RB1: variants seen among roughly 807,000 people sequenced by gnomAD.
The protein encoded by RB1 is retinoblastoma-associated protein.
A neutral mutation model predicts 135.4 loss-of-function variants in RB1; 18 were observed. The ratio of observed to expected loss-of-function variants is 0.13; its 90% CI spans 0.09 to 0.20. RB1 has a LOEUF of 0.20. Among genes scored for constraint, RB1 ranks in the 10% least tolerant of loss-of-function variants. The probability of loss-of-function intolerance (pLI) is 1.00; values close to 1 mark genes in which losing one functional copy is unlikely to be tolerated. For missense variants in RB1, 868 were observed against 1,110.0 expected, an observed-to-expected ratio of 0.78 and a Z score of 3.10; for synonymous variants, 365 against 373.2, an observed-to-expected ratio of 0.98 and a Z score of 0.25.
chr13:48,430,393 C>T (rs1036304052), intron 17 of RB1, among the ~76,000 whole-genome samples: 1 of 152,026 alleles, frequency 6.6e-6, no homozygotes, highest in African/African-American at 2.4e-5. Flanking sequence ...AAAAATGACT[C>T]CATTTAAAAA....
intron 2 of RB1, among the ~76,000 whole-genome samples, chr13:48,309,525 T>G (rs1224008061): frequency 6.6e-6 from 1 of 152,208 alleles, no homozygotes; most frequent in East Asian, 1.9e-4. Context: ...AGGCATCTAA[T>G]GTATATTTTA....
chr13:48,414,083 C>T (rs1948865578), intron 17 of RB1, among the ~76,000 whole-genome samples: 1 of 152,130 alleles, frequency 6.6e-6, no homozygotes, highest in Non-Finnish European at 1.5e-5. Context: ...TGCAGTGGCT[C>T]ACGCCTATAA....
chr13:48,332,597 A>G (rs1952347256), intron 2 of RB1, among the ~76,000 whole-genome samples: 1 of 152,142 alleles, frequency 6.6e-6, no homozygotes. Context: ...ACAAAAACAA[A>G]AAAAGTAGTA....
At chr13:48,324,880 T>G (rs914903947) in intron 2 of RB1, among the ~76,000 whole-genome samples, 2 of 152,094 alleles carry the variant, frequency 1.3e-5, no homozygotes, top group Non-Finnish European at 2.9e-5. Flanking sequence ...TTTTGTTTTT[T>G]TTTACTGTTT....
At chr13:48,446,930 AC>A (rs565287973) in intron 17 of RB1, among the ~76,000 whole-genome samples, 201 of 152,298 alleles carry the variant, frequency 1.3e-3, no homozygotes, top group Non-Finnish European at 1.8e-3. Flanking sequence ...TTAGGGAGTA[AC>A]ATATTAGCTC....
chr13:48,394,025 G>A (rs1948629877), intron 17 of RB1, among the ~76,000 whole-genome samples: 1 of 152,184 alleles, frequency 6.6e-6, no homozygotes, highest in Admixed American at 6.5e-5. Context: ...GAAGGCAGGT[G>A]ATTTCTCCAT....
At chr13:48,364,389 A>G (rs918820865) in intron 8 of RB1, among the ~76,000 whole-genome samples, 3 of 152,246 alleles carry the variant, frequency 2.0e-5, no homozygotes, top group Non-Finnish European at 2.9e-5. Context: ...GATTTTTGTT[A>G]ACAGATGACA....
At chr13:48,329,391 T>G (rs142169029) in intron 2 of RB1, among the ~76,000 whole-genome samples, 1 of 152,232 alleles carries the variant, frequency 6.6e-6, no homozygotes, top group Admixed American at 6.5e-5. Context: ...CCTAGTTTTA[T>G]TCAAGATATA....
chr13:48,359,325 A>G (rs912908129), intron 6 of RB1, among the ~76,000 whole-genome samples: 2 of 151,570 alleles, frequency 1.3e-5, no homozygotes, highest in Non-Finnish European at 2.9e-5. Flanking sequence ...AAATTTATAT[A>G]CTAATTTTGT....
chr13:48,434,627 G>C (rs775000166), intron 17 of RB1, among the ~76,000 whole-genome samples: 1 of 152,084 alleles, frequency 6.6e-6, no homozygotes, highest in Non-Finnish European at 1.5e-5. Flanking sequence ...ACACTATTCA[G>C]GGGTTTCCAC....
intron 2 of RB1, among the ~76,000 whole-genome samples, chr13:48,324,491 C>G (rs1952267839): frequency 6.6e-6 from 1 of 150,976 alleles, no homozygotes; most frequent in African/African-American, 2.4e-5. Flanking sequence ...CCTTCTGTGC[C>G]TGGCTTATTT....
intron 12 of RB1, among the ~76,000 whole-genome samples, chr13:48,375,590 A>T (rs562976227): frequency 5.3e-5 from 8 of 150,904 alleles, no homozygotes; most frequent in East Asian, 3.9e-4. Context: ...ATATATATAT[A>T]TTTTTGAGAC....
intron 1 of RB1, 94 bp from the exon 2 acceptor site, chr13:48,307,173 TGTTCTTTTTCACA>T: frequency 1.2e-6 from 1 of 821,764 alleles, no homozygotes; most frequent in Non-Finnish European, 2.0e-6. Flanking sequence ...TATTTAATAA[TGTTCTTTTTCACA>T]GTAGTGTTAT....
chr13:48,317,891 T>G (rs1217679523), intron 2 of RB1: 12 of 401,512 alleles, frequency 3.0e-5, no homozygotes, highest in Non-Finnish European at 5.7e-5. Flanking sequence ...GAGCCCCATT[T>G]CCCGAGAGCA....
At chr13:48,339,487 A>G (rs1335086203) in intron 2 of RB1, among the ~76,000 whole-genome samples, 2 of 152,176 alleles carry the variant, frequency 1.3e-5, no homozygotes, top group Non-Finnish European at 2.9e-5. Flanking sequence ...ACAGGATATA[A>G]TCTCCTGGTG....
At chr13:48,458,678 T>C (rs1253789062) in intron 19 of RB1, among the ~76,000 whole-genome samples, 4 of 152,222 alleles carry the variant, frequency 2.6e-5, no homozygotes, top group African/African-American at 9.6e-5. Context: ...ACCACTGAGA[T>C]AAATTGTTAG....
intron 2 of RB1, among the ~76,000 whole-genome samples, chr13:48,339,931 G>A (rs9595892): frequency 0.011 from 1,653 of 152,220 alleles, 30 homozygotes; most frequent in African/African-American, 0.037. Flanking sequence ...TAATGAAGAC[G>A]TTATGATATT....
chr13:48,366,900 C>T (rs1952706230), intron 9 of RB1, among the ~76,000 whole-genome samples: 1 of 151,990 alleles, frequency 6.6e-6, no homozygotes, highest in African/African-American at 2.4e-5. Flanking sequence ...AGGTGGATCA[C>T]CTGAGGTCAG....
In RB1 at chr13:48,313,370, AT is replaced by A. The variant is rs397816366; in HGVS notation, c.264+5974del. ...TAATTTTGATGAAGTCCAGTTTTCT[AT>A]TTTTTTTTTGGTGGTGGTTTTTTTT... On this transcript the variant is annotated intron_variant, in intron 2 of 26. Transcript: ENST00000267163. Among the ~76,000 whole-genome samples the A allele has an allele frequency of 4.2e-3, 584 of 139,510 alleles. 5 individuals carry two copies. The highest frequency in any genetic ancestry group is 0.014 in the African/African-American group (539 of 37,900). 91.5% of individuals were successfully genotyped at this position (139,510 alleles called of 152,430 possible). A position where few individuals can be genotyped will look rare whatever the true frequency, so the allele number is the denominator to read the frequency against.
Sources: gnomAD v4.1 joint callset for allele counts (sites outside exome capture counted in the v4.1 genomes callset) on GRCh38, gnomAD v4.1.1 for gene constraint, MANE v1.5 for transcripts, NCBI Gene and HGNC (gene_info 2026-07-23, HGNC 2026-07-21) for gene names.